LTBP1: variants seen among roughly 807,000 people sequenced by gnomAD.
LTBP1 encodes latent-transforming growth factor beta-binding protein 1.
LTBP1 carries 129 observed loss-of-function variants against 207.6 expected under a neutral mutation model. The observed-to-expected ratio is 0.62, with a 90% CI of 0.54 to 0.72. The LOEUF (loss-of-function observed/expected upper bound fraction) is 0.72, where lower values mean the gene tolerates loss of function less well. LTBP1 is among the 30% of genes least tolerant of loss of function. LTBP1 has a pLI of 0.00. For synonymous variants in LTBP1, 963 were observed against 833.7 expected (o/e 1.16, Z -2.67); for missense variants, 2,281 against 2,217.2 (o/e 1.03, Z -0.58).
intron 2 of LTBP1, among the ~76,000 whole-genome samples, chr2:33,004,210 A>C (rs1686444025): frequency 6.6e-6 from 1 of 152,044 alleles, no homozygotes; most frequent in Non-Finnish European, 1.5e-5. Flanking sequence ...TTGCAGGTAG[A>C]GATCCTTGTT....
intron 5 of LTBP1, among the ~76,000 whole-genome samples, chr2:33,161,028 A>G (rs989834002): frequency 1.3e-5 from 2 of 152,158 alleles, no homozygotes; most frequent in African/African-American, 4.8e-5. Flanking sequence ...TGGAGATAGC[A>G]TGGTAGACTT....
intron 31 of LTBP1, 140 bp downstream of exon 31, chr2:33,365,643 G>A (rs201929339): frequency 6.2e-5 from 48 of 773,166 alleles, no homozygotes; most frequent in Non-Finnish European, 9.5e-5. Flanking sequence ...GTGTGTGTGT[G>A]TGTGTGTAGG....
At chr2:33,194,317 G>T (rs1030260597) in intron 7 of LTBP1, among the ~76,000 whole-genome samples, 1 of 152,058 alleles carries the variant, frequency 6.6e-6, no homozygotes, top group Non-Finnish European at 1.5e-5. Flanking sequence ...AGCTAAAAAT[G>T]ATTAACCTTA....
chr2:33,154,652 G>T (rs2083811224), intron 5 of LTBP1, among the ~76,000 whole-genome samples: 1 of 152,154 alleles, frequency 6.6e-6, no homozygotes, highest in African/African-American at 2.4e-5. Context: ...AGTGAATAAT[G>T]AAAGTCTTAG....
chr2:33,147,886 C>G (rs1020763987), intron 5 of LTBP1, among the ~76,000 whole-genome samples: 4 of 152,182 alleles, frequency 2.6e-5, no homozygotes, highest in Non-Finnish European at 4.4e-5. Flanking sequence ...TGTGTCAAGC[C>G]CTCCAAAGAA....
intron 24 of LTBP1, among the ~76,000 whole-genome samples, chr2:33,327,973 A>G (rs1434107112): frequency 1.3e-5 from 2 of 151,760 alleles, no homozygotes; most frequent in Non-Finnish European, 2.9e-5. Flanking sequence ...CATCTCTACT[A>G]AAAATACAAA....
chr2:33,336,683 G>A (rs1020493572), intron 24 of LTBP1, among the ~76,000 whole-genome samples: 6 of 152,188 alleles, frequency 3.9e-5, no homozygotes, highest in Non-Finnish European at 5.9e-5. Flanking sequence ...CAGACGGAAA[G>A]CTCATTAGTG....
At chr2:32,986,434 G>T (rs1324183790) in intron 2 of LTBP1, among the ~76,000 whole-genome samples, 1 of 152,188 alleles carries the variant, frequency 6.6e-6, no homozygotes, top group Admixed American at 6.5e-5. Context: ...TTATTGGCAG[G>T]TAACTGGGAA....
At chr2:32,975,464 C>T (rs771239316) in intron 2 of LTBP1, among the ~76,000 whole-genome samples, 2 of 151,632 alleles carry the variant, frequency 1.3e-5, no homozygotes, top group Non-Finnish European at 2.9e-5. Flanking sequence ...TGAATGATAT[C>T]CTTAAATATA....
chr2:33,147,885 C>T (rs573017135), intron 5 of LTBP1, among the ~76,000 whole-genome samples: 3 of 152,322 alleles, frequency 2.0e-5, no homozygotes, highest in African/African-American at 7.2e-5. Flanking sequence ...ATGTGTCAAG[C>T]CCTCCAAAGA....
At chr2:33,132,693 A>G (rs1023153651) in intron 4 of LTBP1, among the ~76,000 whole-genome samples, 7 of 152,176 alleles carry the variant, frequency 4.6e-5, no homozygotes, top group Non-Finnish European at 7.3e-5. Flanking sequence ...TTGATCCTCC[A>G]GGGTTAGAAC....
intron 2 of LTBP1, among the ~76,000 whole-genome samples, chr2:33,015,631 CTGGG>C (rs1195786169): frequency 3.0e-5 from 2 of 67,446 alleles, no homozygotes; most frequent in African/African-American, 6.0e-5. Context: ...CGTGATAGGG[CTGGG>C]TGGGTGGGTC....
At chr2:33,042,796 T>C (rs72791785) in intron 3 of LTBP1, among the ~76,000 whole-genome samples, 17,596 of 152,262 alleles carry the variant, frequency 0.12, 1,130 homozygotes, top group African/African-American at 0.14. Flanking sequence ...TTTTGACATT[T>C]ATGTTGTTAC....
In LTBP1 at chr2:33,398,753, G is replaced by A. The variant is rs2095382034; in HGVS notation, c.*208G>A. On this transcript the variant is annotated 3_prime_UTR_variant, in exon 34 of 34. Coordinates refer to ENST00000404816, the MANE Select transcript of LTBP1 (RefSeq NM_206943.4). ...AAATGGACATTTCTCTAAAAAACCA[G>A]TATATATAGTCTGTTCATATGTAAA... The A allele has an allele frequency of 4.5e-6, 2 of 446,122 alleles. No individual in the cohort carries two copies. The highest frequency in any genetic ancestry group is 3.9e-5 in the Admixed American group (1 of 25,346). The allele number at this position is 446,122 out of a possible 1,614,324, so 27.6% of individuals were successfully genotyped here. A position where few individuals can be genotyped will look rare whatever the true frequency, so the allele number is the denominator to read the frequency against.
chr2:33,312,187 A>T (rs2094197551), intron 23 of LTBP1, among the ~76,000 whole-genome samples: 1 of 152,086 alleles, frequency 6.6e-6, no homozygotes, highest in Non-Finnish European at 1.5e-5. Flanking sequence ...TTCTGTGGAG[A>T]GGTGTAGATT....
intron 2 of LTBP1, among the ~76,000 whole-genome samples, chr2:32,952,236 T>G (rs1318132318): frequency 6.6e-6 from 1 of 152,204 alleles, no homozygotes; most frequent in East Asian, 1.9e-4. Context: ...AAAGATTTAG[T>G]GAACCTTAAA....
intron 9 of LTBP1, among the ~76,000 whole-genome samples, chr2:33,238,028 T>C (rs1421153512): frequency 2.6e-5 from 4 of 152,214 alleles, no homozygotes; most frequent in Non-Finnish European, 5.9e-5. Flanking sequence ...GCAAAGTTGT[T>C]CTTTGGAAGT....
Position 32,984,800 on chromosome 2 carries a change from G to A in LTBP1, c.565+35855G>A, listed in dbSNP as rs547368489. On this transcript the variant is annotated intron_variant, in intron 2 of 33. Coordinates refer to ENST00000404816, the MANE Select transcript of LTBP1 (RefSeq NM_206943.4). Reference sequence around the variant, plus strand: ...AAAAAAGTTAGCTGGGCGTGGTGGCGCACGCCTGTAATCCCAGCTACTTAG... The same window carrying A: ...AAAAAAGTTAGCTGGGCGTGGTGGCACACGCCTGTAATCCCAGCTACTTAG... Among the ~76,000 whole-genome samples the A allele has an allele frequency of 8.6e-4, 131 of 151,660 alleles. 1 individual carries two copies. The highest frequency in any genetic ancestry group is 1.4e-3 in the Non-Finnish European group (97 of 67,904).
intron 3 of LTBP1, among the ~76,000 whole-genome samples, chr2:33,047,911 GTTT>G (rs749087754): frequency 6.6e-6 from 1 of 151,686 alleles, no homozygotes; most frequent in Non-Finnish European, 1.5e-5. Flanking sequence ...CTTAAAGTCT[GTTT>G]TATCAGAGAC....
Sources: gnomAD v4.1 joint callset for allele counts (sites outside exome capture counted in the v4.1 genomes callset) on GRCh38, gnomAD v4.1.1 for gene constraint, MANE v1.5 for transcripts, NCBI Gene and HGNC (gene_info 2026-07-23, HGNC 2026-07-21) for gene names.